ZNF385D: variants seen among roughly 807,000 people sequenced by gnomAD.
ZNF385D encodes zinc finger protein 385D.
ZNF385D carries 15 observed loss-of-function variants against 35.8 expected under a neutral mutation model. The ratio of observed to expected loss-of-function variants is 0.42; its 90% CI spans 0.28 to 0.64. The LOEUF (loss-of-function observed/expected upper bound fraction) is 0.64. Among genes scored for constraint, ZNF385D ranks in the 30% least tolerant of loss-of-function variants. ZNF385D has a pLI of 0.23. For synonymous variants in ZNF385D, 212 were observed against 186.8 expected, an observed-to-expected ratio of 1.13 and a Z score of -1.10; for missense variants, 474 against 494.6, an observed-to-expected ratio of 0.96 and a Z score of 0.39.
At chr3:22,252,986 A>T (rs1323655777) in intron 2 of ZNF385D, among the ~76,000 whole-genome samples, 1 of 152,086 alleles carries the variant, frequency 6.6e-6, no homozygotes, top group Non-Finnish European at 1.5e-5. Context: ...AGTAGTATCT[A>T]TTCCCATGAA....
intron 2 of ZNF385D, among the ~76,000 whole-genome samples, chr3:22,218,946 A>G (rs1027955695): frequency 6.6e-6 from 1 of 152,116 alleles, no homozygotes; most frequent in Non-Finnish European, 1.5e-5. Flanking sequence ...GTAAGGATCT[A>G]TTCTACTTAT....
chr3:22,252,473 T>G (rs1244996268), intron 2 of ZNF385D, among the ~76,000 whole-genome samples: 1 of 152,054 alleles, frequency 6.6e-6, no homozygotes, highest in African/African-American at 2.4e-5. Flanking sequence ...TTATATTATT[T>G]AATGTGGTAT....
intron 3 of ZNF385D, among the ~76,000 whole-genome samples, chr3:21,983,164 ATTAT>A (rs1559818085): frequency 8.8e-4 from 55 of 62,460 alleles, no homozygotes; most frequent in Middle Eastern, 0.02. Context: ...ATTTTATTTT[ATTAT>A]TTTTTTTTAT....
intron 2 of ZNF385D, among the ~76,000 whole-genome samples, chr3:21,601,829 C>T (rs2064299515): frequency 6.6e-6 from 1 of 152,042 alleles, no homozygotes; most frequent in South Asian, 2.1e-4. Flanking sequence ...TGAGGTGCTC[C>T]AATTAATAGT....
chr3:21,729,784 GC>G, intron 1 of ZNF385D, among the ~76,000 whole-genome samples: 1 of 152,262 alleles, frequency 6.6e-6, no homozygotes, highest in African/African-American at 2.4e-5. Flanking sequence ...CAGAAACTAG[GC>G]CTACAGTTCT....
Position 21,841,063 on chromosome 3 carries a change from G to A in ZNF385D, c.326-176035C>T, listed in dbSNP as rs147971920. 2.0e-5 allele frequency among the ~76,000 whole-genome samples: 3 copies of A among 152,114 alleles called. No homozygotes were observed. The East Asian group carries it at 5.8e-4, about 30-fold the overall frequency. On this transcript the variant is annotated intron_variant, in intron 3 of 5. Coordinates refer to the ZNF385D transcript ENST00000494108. ...TTAGACATACAGATGGTAAGAGACT[G>A]TTAGCAAGTTTCATGAGAAAAGAAT...
intron 3 of ZNF385D, among the ~76,000 whole-genome samples, chr3:21,907,021 C>T (rs1699717422): frequency 6.6e-6 from 1 of 152,082 alleles, no homozygotes; most frequent in Admixed American, 6.6e-5. Context: ...ACCCAGGATC[C>T]ATGTCAATAT....
intron 2 of ZNF385D, among the ~76,000 whole-genome samples, chr3:22,260,960 C>T (rs919267758): frequency 1.1e-4 from 17 of 151,916 alleles, no homozygotes; most frequent in African/African-American, 1.7e-4. Context: ...ATATTTATCA[C>T]GGAATTCTTC....
intron 2 of ZNF385D, among the ~76,000 whole-genome samples, chr3:21,573,024 C>T (rs190250771): frequency 6.6e-6 from 1 of 152,074 alleles, no homozygotes; most frequent in Non-Finnish European, 1.5e-5. Context: ...TAGGGTTTTA[C>T]AGCTGGGTAC....
intron 3 of ZNF385D, among the ~76,000 whole-genome samples, chr3:21,859,188 C>A (rs1696900234): frequency 6.6e-6 from 1 of 151,998 alleles, no homozygotes; most frequent in African/African-American, 2.4e-5. Context: ...AACCAAAAAA[C>A]AGCTCCTGAG....
At chr3:22,183,615 C>T (rs536423791) in intron 2 of ZNF385D, among the ~76,000 whole-genome samples, 38 of 152,138 alleles carry the variant, frequency 2.5e-4, no homozygotes, top group Non-Finnish European at 3.8e-4. Flanking sequence ...CTCGGCCTCC[C>T]GAGAATGGAA....
At chr3:21,804,491 G>C (rs1445485796) in intron 3 of ZNF385D, among the ~76,000 whole-genome samples, 1 of 152,132 alleles carries the variant, frequency 6.6e-6, no homozygotes, top group African/African-American at 2.4e-5. Context: ...ATGAACAAGA[G>C]ATGATTCAAA....
chr3:22,307,899 G>A (rs1447758300), intron 2 of ZNF385D, among the ~76,000 whole-genome samples: 2 of 151,916 alleles, frequency 1.3e-5, no homozygotes, highest in Admixed American at 1.3e-4. Flanking sequence ...TGTTTCTAAG[G>A]GGAAATTTAT....
rs540157958 is a variant in ZNF385D, at chr3:21,881,569, G to A, written c.326-216541C>T. Among the ~76,000 whole-genome samples the A allele has an allele frequency of 3.9e-5, 6 of 152,126 alleles. No homozygotes were observed. In the South Asian group the frequency reaches 1.2e-3, roughly 31 times the overall value. ...AAGAGCTTTAATGGAGATGTACAAG[G>A]AGATTAATGTTGTTTTAATGCCTGC... On this transcript the variant is annotated intron_variant, in intron 3 of 5. Coordinates refer to the ZNF385D transcript ENST00000494108.
At chr3:21,752,917 T>C (rs2070171163), upstream of ZNF385D, among the ~76,000 whole-genome samples, 1 of 152,214 alleles carries the variant, frequency 6.6e-6, no homozygotes. Flanking sequence ...AGCTTATTCA[T>C]GAAGCCTGTA....
intron 3 of ZNF385D, among the ~76,000 whole-genome samples, chr3:21,781,486 G>C (rs1044481339): frequency 6.6e-6 from 1 of 151,824 alleles, no homozygotes; most frequent in Non-Finnish European, 1.5e-5. Context: ...TCAAAGTCTT[G>C]AGTTCTCATA....
intron 1 of ZNF385D, among the ~76,000 whole-genome samples, chr3:21,710,223 T>C (rs1188821545): frequency 1.3e-5 from 2 of 152,130 alleles, no homozygotes; most frequent in African/African-American, 4.8e-5. Context: ...GTGGTAGTGG[T>C]TACATAGACT....
intron 3 of ZNF385D, among the ~76,000 whole-genome samples, chr3:21,812,793 G>A (rs115814844): frequency 0.077 from 11,751 of 152,230 alleles, 615 homozygotes; most frequent in South Asian, 0.12. Flanking sequence ...AACAAAAGGC[G>A]TCAGAAACCT....
rs552660952 is a variant in ZNF385D, at chr3:22,257,425, C to T, written c.107-88390G>A. On this transcript the variant is annotated intron_variant, in intron 2 of 5. Coordinates refer to the ZNF385D transcript ENST00000494108. ...CTCTCAATTTTTCATATGATTGCAT[C>T]TTCTTGATGTGCAATTGCATCATCA... Among the ~76,000 whole-genome samples the T allele has an allele frequency of 2.6e-5, 4 of 151,904 alleles. No homozygotes were observed. The East Asian group carries it at 7.8e-4, about 30-fold the overall frequency.
Sources: gnomAD v4.1 joint callset for allele counts (sites outside exome capture counted in the v4.1 genomes callset) on GRCh38, gnomAD v4.1.1 for gene constraint, MANE v1.5 for transcripts, NCBI Gene and HGNC (gene_info 2026-07-23, HGNC 2026-07-21) for gene names.